TSPAN5: variants seen among roughly 807,000 people sequenced by gnomAD.
The protein encoded by TSPAN5 is tetraspanin 5, also known as tetraspanin-5.
In TSPAN5, 10 loss-of-function variants were observed where a neutral mutation model predicts 37.1. The ratio of observed to expected loss-of-function variants is 0.27; its 90% CI spans 0.17 to 0.46. The LOEUF is 0.46. TSPAN5 is among the 20% of genes least tolerant of loss of function. TSPAN5 has a pLI of 1.00. For missense variants in TSPAN5, 195 were observed against 326.6 expected, an observed-to-expected ratio of 0.60 and a Z score of 3.11; for synonymous variants, 110 against 118.9, an observed-to-expected ratio of 0.93 and a Z score of 0.48.
intron 1 of TSPAN5, among the ~76,000 whole-genome samples, chr4:98,590,104 C>T (rs1056910376): frequency 2.6e-5 from 4 of 152,166 alleles, no homozygotes; most frequent in Admixed American, 2.0e-4. Flanking sequence ...TGAAATGAAA[C>T]GGCACTACCC....
chr4:98,509,448 T>C (rs1292786936), intron 1 of TSPAN5, among the ~76,000 whole-genome samples: 2 of 152,098 alleles, frequency 1.3e-5, no homozygotes, highest in African/African-American at 4.8e-5. Context: ...GAAAACATAG[T>C]GGTGTTTTTA....
intron 1 of TSPAN5, among the ~76,000 whole-genome samples, chr4:98,548,046 A>T (rs846005): frequency 0.94 from 134,764 of 142,810 alleles, 63,671 homozygotes; most frequent in East Asian, 1. Context: ...AAAAGAAAAA[A>T]ACACAAAAGC....
At chr4:98,658,070 C>T (rs1757328285) in intron 1 of TSPAN5, 76 bp downstream of exon 1, 2 of 1,344,410 alleles carry the variant, frequency 1.5e-6, no homozygotes, top group South Asian at 1.2e-5. Flanking sequence ...AAAGTAAAGG[C>T]AACGAACAAC....
chr4:98,558,800 G>C (rs767288815), intron 1 of TSPAN5, among the ~76,000 whole-genome samples: 1 of 152,184 alleles, frequency 6.6e-6, no homozygotes, highest in African/African-American at 2.4e-5. Flanking sequence ...ACTGTGGATA[G>C]GCCAGAGTCT....
intron 1 of TSPAN5, among the ~76,000 whole-genome samples, chr4:98,530,044 G>T (rs149844097): frequency 6.6e-6 from 1 of 152,166 alleles, no homozygotes; most frequent in Non-Finnish European, 1.5e-5. Flanking sequence ...CTTGATGTAG[G>T]TGTTGTATCT....
chr4:98,643,038 T>C (rs773195876), intron 1 of TSPAN5, among the ~76,000 whole-genome samples: 2 of 152,218 alleles, frequency 1.3e-5, no homozygotes, highest in African/African-American at 2.4e-5. Context: ...TGTACAGTAA[T>C]GTCCTAGGCC....
chr4:98,625,510 G>C (rs1756580052), intron 1 of TSPAN5, among the ~76,000 whole-genome samples: 2 of 152,150 alleles, frequency 1.3e-5, no homozygotes, highest in Non-Finnish European at 2.9e-5. Flanking sequence ...TCACCAAAGA[G>C]AAAAAACAAA....
At chr4:98,491,695 A>T (rs1046664043) in intron 2 of TSPAN5, among the ~76,000 whole-genome samples, 4 of 152,000 alleles carry the variant, frequency 2.6e-5, no homozygotes, top group African/African-American at 9.7e-5. Context: ...TAAAAAAAAA[A>T]AAAAAGGTGG....
rs1044330575 is a variant in TSPAN5 at position 98,477,111 on chromosome 4, T to C, written c.577-651A>G. On this transcript the variant is annotated intron_variant, in intron 5 of 7. Coordinates refer to ENST00000305798, the MANE Select transcript of TSPAN5 (RefSeq NM_005723.4). Reference sequence around the variant, plus strand: ...GGATCTGTAGGTGAAAGGGGAAGCATTAATGCCTCTGAGAATACAGAATTC... The same window carrying C: ...GGATCTGTAGGTGAAAGGGGAAGCACTAATGCCTCTGAGAATACAGAATTC... 2.0e-5 allele frequency among the ~76,000 whole-genome samples: 3 copies of C among 152,132 alleles called. No individual in the cohort carries two copies. In the East Asian group the frequency reaches 5.8e-4, roughly 29 times the overall value.
intron 1 of TSPAN5, among the ~76,000 whole-genome samples, chr4:98,555,954 A>G (rs1204796716): frequency 6.6e-6 from 1 of 151,900 alleles, no homozygotes; most frequent in African/African-American, 2.4e-5. Flanking sequence ...AAAAGACTGA[A>G]AAATCACTCC....
chr4:98,493,665 G>A (rs1431115566), intron 2 of TSPAN5, among the ~76,000 whole-genome samples: 4 of 152,140 alleles, frequency 2.6e-5, no homozygotes, highest in East Asian at 1.9e-4. Context: ...TTATTAGTAA[G>A]AACTGATATA....
intron 1 of TSPAN5, among the ~76,000 whole-genome samples, chr4:98,556,403 T>G (rs1159070878): frequency 1.3e-5 from 2 of 152,160 alleles, no homozygotes; most frequent in African/African-American, 4.8e-5. Flanking sequence ...CTGAGATACT[T>G]TGCTTCTTTT....
rs897367769 is a variant in TSPAN5, at chr4:98,576,174, T to TA, written c.82-68447dup. 6.6e-4 allele frequency among the ~76,000 whole-genome samples: 99 copies of TA among 150,298 alleles called. 1 individual carries two copies. Among genetic ancestry groups the TA allele is most frequent in the Admixed American group, 2.1e-3 (32 of 15,080 alleles). On this transcript the variant is annotated intron_variant, in intron 1 of 7. Transcript: ENST00000305798. ...ATATTCACATTATTTACAAGAAAATTAAAAAAAAAATCAAACAGTATTAAT... is the reference window on the plus strand; with the variant it reads ...ATATTCACATTATTTACAAGAAAATTAAAAAAAAAAATCAAACAGTATTAAT...
chr4:98,480,480 C>T (rs1196672526), intron 4 of TSPAN5, among the ~76,000 whole-genome samples: 1 of 152,212 alleles, frequency 6.6e-6, no homozygotes, highest in Non-Finnish European at 1.5e-5. Flanking sequence ...ACTACACAAG[C>T]CCCTTCCTCA....
chr4:98,475,521 T>C (rs1465731672), intron 7 of TSPAN5, among the ~76,000 whole-genome samples: 1 of 152,194 alleles, frequency 6.6e-6, no homozygotes, highest in East Asian at 1.9e-4. Context: ...ACCACTGAGA[T>C]CTACTTCTAA....
intron 1 of TSPAN5, among the ~76,000 whole-genome samples, chr4:98,636,758 T>C (rs1486938905): frequency 2.6e-5 from 4 of 152,220 alleles, no homozygotes; most frequent in African/African-American, 9.7e-5. Flanking sequence ...TCAAATGTAA[T>C]TATAGCCAGA....
intron 1 of TSPAN5, among the ~76,000 whole-genome samples, chr4:98,559,155 C>A (rs986661412): frequency 1.3e-5 from 2 of 152,096 alleles, no homozygotes; most frequent in African/African-American, 4.8e-5. Flanking sequence ...TAGACAGTAA[C>A]GACACTAAGA....
chr4:98,593,622 G>C (rs1755700248), intron 1 of TSPAN5, among the ~76,000 whole-genome samples: 1 of 4,722 alleles, frequency 2.1e-4, no homozygotes, highest in Non-Finnish European at 3.4e-4. Context: ...TGTATAAGGT[G>C]TAAGGAAGGG....
intron 1 of TSPAN5, among the ~76,000 whole-genome samples, chr4:98,620,125 C>A (rs1331952491): frequency 6.6e-6 from 1 of 151,930 alleles, no homozygotes; most frequent in Admixed American, 6.6e-5. Context: ...ATATGGGCAG[C>A]CTTATGACAG....
Sources: gnomAD v4.1 joint callset for allele counts (sites outside exome capture counted in the v4.1 genomes callset) on GRCh38, gnomAD v4.1.1 for gene constraint, MANE v1.5 for transcripts, NCBI Gene and HGNC (gene_info 2026-07-23, HGNC 2026-07-21) for gene names.